TANC1: variants seen among roughly 807,000 people sequenced by gnomAD.
TANC1 encodes protein TANC1.
A neutral mutation model predicts 149.7 loss-of-function variants in TANC1; 77 were observed. The ratio of observed to expected loss-of-function variants is 0.51; its 90% CI spans 0.43 to 0.62. The LOEUF is 0.62. Ranked by LOEUF, TANC1 falls within the 20% of genes least tolerant of loss-of-function variation. TANC1 has a pLI of 0.00. For missense variants in TANC1, 1,985 were observed against 2,321.8 expected, an observed-to-expected ratio of 0.85 and a Z score of 2.98; for synonymous variants, 854 against 925.0, an observed-to-expected ratio of 0.92 and a Z score of 1.39.
At chr2:159,223,405 C>T (rs1468986126) in intron 22 of TANC1, among the ~76,000 whole-genome samples, 1 of 152,008 alleles carries the variant, frequency 6.6e-6, no homozygotes, top group Non-Finnish European at 1.5e-5. Flanking sequence ...CTATTCCAGT[C>T]CTTTGCCCAT....
At chr2:159,166,141 G>A (rs1176304742) in intron 8 of TANC1, among the ~76,000 whole-genome samples, 3 of 152,130 alleles carry the variant, frequency 2.0e-5, no homozygotes, top group African/African-American at 7.2e-5. Context: ...AGACCTAGAA[G>A]CCTTTAAAGG....
At chr2:159,134,828 C>T (rs1029618527) in intron 4 of TANC1, among the ~76,000 whole-genome samples, 4 of 152,156 alleles carry the variant, frequency 2.6e-5, no homozygotes, top group South Asian at 2.1e-4. Flanking sequence ...CACTGTGTTG[C>T]CCAGGCTTGT....
chr2:159,004,738 A>C (rs542010074), intron 2 of TANC1, among the ~76,000 whole-genome samples: 5 of 152,288 alleles, frequency 3.3e-5, no homozygotes, highest in East Asian at 1.9e-4. Flanking sequence ...AACAAACAAA[A>C]AAAACCAATA....
intron 4 of TANC1, among the ~76,000 whole-genome samples, chr2:159,135,618 G>A (rs913650760): frequency 3.9e-5 from 6 of 152,236 alleles, no homozygotes; most frequent in African/African-American, 9.6e-5. Context: ...TGTCTGACCC[G>A]CTTGCTGGCT....
At position 159,209,043 on chromosome 2, in the gene TANC1, G is replaced by A. The variant is rs376665465; in HGVS notation, c.3245-8454G>A. 2.5e-4 allele frequency among the ~76,000 whole-genome samples: 38 copies of A among 152,320 alleles called. No homozygotes were observed. The East Asian group carries it at 3.7e-3, about 15-fold the overall frequency. Reference sequence around the variant, plus strand: ...ATGAGACCACTGTGCTATTGTATACGCAGTCTGTCGCTGACTGAAACATCA... The same window carrying A: ...ATGAGACCACTGTGCTATTGTATACACAGTCTGTCGCTGACTGAAACATCA... On this transcript the variant is annotated intron_variant, in intron 19 of 26. Coordinates refer to ENST00000263635, the MANE Select transcript of TANC1 (RefSeq NM_033394.3).
chr2:159,148,838 C>T (rs2052450091), intron 5 of TANC1: 1 of 218,312 alleles, frequency 4.6e-6, no homozygotes, highest in Non-Finnish European at 9.0e-6. Context: ...CCTTTTCTTA[C>T]CCAAGCTGAT....
At chr2:159,020,248 G>A (rs2038707800) in intron 2 of TANC1, among the ~76,000 whole-genome samples, 1 of 152,034 alleles carries the variant, frequency 6.6e-6, no homozygotes, top group African/African-American at 2.4e-5. Flanking sequence ...TGAGTAGGTG[G>A]GATTACAGGC....
At chr2:158,991,921 G>A (rs956384135) in intron 1 of TANC1, among the ~76,000 whole-genome samples, 6 of 152,004 alleles carry the variant, frequency 3.9e-5, no homozygotes, top group Non-Finnish European at 8.8e-5. Context: ...TCATTCATGG[G>A]GGTTTTTAGA....
rs906545820 is a variant in TANC1 at position 159,167,034 on chromosome 2, A to C, written c.947-2216A>C. 2.0e-5 allele frequency among the ~76,000 whole-genome samples: 3 copies of C among 152,202 alleles called. No individual in the cohort carries two copies. In the East Asian group the frequency reaches 5.8e-4, roughly 29 times the overall value. On this transcript the variant is annotated intron_variant, in intron 8 of 26. Transcript: ENST00000263635. The stretch of plus-strand genomic sequence containing the variant: ...TAGATACAATCTAGGGCATTTTTGC[A>C]ATCCTTTATTTGGAATGTCTTTTAT...
intron 1 of TANC1, among the ~76,000 whole-genome samples, chr2:158,989,918 AT>A (rs56934916): frequency 2.1e-3 from 293 of 142,338 alleles, no homozygotes; most frequent in Middle Eastern, 3.6e-3. Context: ...TAAAATGGGG[AT>A]TTTTTTTTTT....
chr2:158,993,687 G>C (rs984321867), intron 1 of TANC1, among the ~76,000 whole-genome samples: 3 of 152,068 alleles, frequency 2.0e-5, no homozygotes, highest in African/African-American at 4.8e-5. Flanking sequence ...CTTCTGGTTT[G>C]TCTCAAGAGA....
chr2:159,046,354 T>C (rs1235534112), intron 2 of TANC1, among the ~76,000 whole-genome samples: 1 of 152,140 alleles, frequency 6.6e-6, no homozygotes, highest in Non-Finnish European at 1.5e-5. Flanking sequence ...AGTTTTGAAG[T>C]TAAAGAATTT....
intron 2 of TANC1, among the ~76,000 whole-genome samples, chr2:159,046,335 G>A (rs926420537): frequency 6.6e-6 from 1 of 152,164 alleles, no homozygotes; most frequent in African/African-American, 2.4e-5. Context: ...AGGGAGAAGG[G>A]TGAGTTTCAG....
At chr2:159,147,270 T>G (rs534019440) in intron 5 of TANC1, among the ~76,000 whole-genome samples, 1 of 152,264 alleles carries the variant, frequency 6.6e-6, no homozygotes, top group South Asian at 2.1e-4. Flanking sequence ...GTGTGGAGAT[T>G]GTTTCGAAAG....
intron 11 of TANC1, 128 bp downstream of exon 11, chr2:159,172,400 G>C: frequency 1.2e-6 from 1 of 849,784 alleles, no homozygotes; most frequent in Non-Finnish European, 1.8e-6. Context: ...AGCTTTTAAT[G>C]AAATAGTGAT....
intron 1 of TANC1, among the ~76,000 whole-genome samples, chr2:158,995,527 C>T (rs945617894): frequency 1.3e-5 from 2 of 152,116 alleles, no homozygotes; most frequent in African/African-American, 2.4e-5. Flanking sequence ...TACCCGAGGG[C>T]GGGACTCTTG....
intron 3 of TANC1, among the ~76,000 whole-genome samples, chr2:159,069,536 T>C (rs1016191528): frequency 6.6e-6 from 1 of 152,136 alleles, no homozygotes; most frequent in Non-Finnish European, 1.5e-5. Context: ...ATATTACTAC[T>C]ATTAAACAGT....
rs565354630 is a variant in TANC1 at position 159,232,486 on chromosome 2, A to T, written c.*1474A>T. 3 of 152,788 alleles carry T rather than the reference A, an allele frequency of 2.0e-5. No individual in the cohort carries two copies. Among genetic ancestry groups the T allele is most frequent in the African/African-American group, 7.2e-5 (3 of 41,594 alleles). 9.5% of individuals were successfully genotyped at this position (152,788 alleles called of 1,614,324 possible). On this transcript the variant is annotated 3_prime_UTR_variant, in exon 27 of 27. Coordinates refer to ENST00000263635, the MANE Select transcript of TANC1 (RefSeq NM_033394.3). ...CTTCAACGTTTGTTCCTGTGTGTAC[A>T]ATTGTACTTTGTATGAACAGCTTTA...
chr2:159,062,991 A>AAAAAAAAG (rs1553534848), intron 2 of TANC1, among the ~76,000 whole-genome samples: 2 of 147,084 alleles, frequency 1.4e-5, no homozygotes, highest in Non-Finnish European at 3.0e-5. Context: ...AAAAAAAAAA[A>AAAAAAAAG]AAAAGAAAGC....
Sources: gnomAD v4.1 joint callset for allele counts (sites outside exome capture counted in the v4.1 genomes callset) on GRCh38, gnomAD v4.1.1 for gene constraint, MANE v1.5 for transcripts, NCBI Gene and HGNC (gene_info 2026-07-23, HGNC 2026-07-21) for gene names.